NMI: variants seen among roughly 807,000 people sequenced by gnomAD.
NMI encodes N-myc-interactor.
Under a neutral mutation model 34.3 loss-of-function variants are expected in NMI, and 39 were observed. The ratio of observed to expected loss-of-function variants is 1.14; its 90% CI spans 0.88 to 1.49. The LOEUF (loss-of-function observed/expected upper bound fraction) is 1.49. Among genes scored for constraint, NMI ranks in the 40% most tolerant of loss-of-function variants. NMI has a pLI of 0.00. For missense variants in NMI, 339 were observed against 358.1 expected, an observed-to-expected ratio of 0.95 and a Z score of 0.43; for synonymous variants, 113 against 120.3, an observed-to-expected ratio of 0.94 and a Z score of 0.40.
At chr2:151,276,243 G>A (rs537733196) in intron 4 of NMI, among the ~76,000 whole-genome samples, 4 of 152,058 alleles carry the variant, frequency 2.6e-5, no homozygotes, top group South Asian at 4.1e-4. Context: ...TTGTAGAGAC[G>A]AGCTCTCACT....
Position 151,270,854 on chromosome 2 carries a change from T to C in NMI, c.763A>G (p.Arg255Gly). Residue 255 changes from arginine (R) to glycine (G), a missense_variant, in exon 8 of 8, where the codon AGG becomes GGG. By Grantham distance (125) the Arg-to-Gly change is moderately radical. Coordinates refer to ENST00000243346, the MANE Select transcript of NMI (RefSeq NM_004688.3). ...TCCATTCCTGTCAGAAGCACTGTCC[T>C]CTTAGATGTTCCTGAAAATATCTAA... ...KYQIFSGTSK[R>G]TVLLTGMEGI... is the part of the protein sequence containing the mutation. The C allele has an allele frequency of 6.2e-7, 1 of 1,611,734 alleles. No homozygotes were observed. Among genetic ancestry groups the C allele is most frequent in the Non-Finnish European group, 8.5e-7 (1 of 1,179,078 alleles).
At chr2:151,272,898 C>T (rs1683213442) in intron 6 of NMI, among the ~76,000 whole-genome samples, 1 of 151,930 alleles carries the variant, frequency 6.6e-6, no homozygotes, top group Non-Finnish European at 1.5e-5. Context: ...TTCATAGAGA[C>T]AGAAAGTAGA....
At position 151,275,545 on chromosome 2, in the gene NMI, C is replaced by G. The variant is rs146374891; in HGVS notation, c.573G>C (p.Val191=). ...FSKSRNGGGE[V]DRVDYDRQSG... is the part of the protein sequence containing the mutation. The stretch of plus-strand genomic sequence containing the variant: ...ACTGTCTGTCATAGTCCACGCGGTC[C>G]ACCTCTCCGCCTCCATTTCGGGACT... The change falls in exon 6 of 8, where the codon GTG becomes GTC. Residue 191 remains valine, a synonymous_variant. Coordinates refer to ENST00000243346, the MANE Select transcript of NMI (RefSeq NM_004688.3). The G allele has an allele frequency of 2.3e-4, 378 of 1,614,170 alleles. 1 individual carries two copies. The Middle Eastern group carries it at 5.1e-3, about 22-fold the overall frequency.
chr2:151,276,312 CCAGA>C (rs1683292867), intron 4 of NMI, among the ~76,000 whole-genome samples: 2 of 152,180 alleles, frequency 1.3e-5, no homozygotes, highest in East Asian at 1.9e-4. Flanking sequence ...CATCGGACTC[CCAGA>C]CAAAGTTCTG....
intron 6 of NMI, among the ~76,000 whole-genome samples, chr2:151,274,760 G>C (rs1437718569): frequency 6.6e-6 from 1 of 151,952 alleles, no homozygotes; most frequent in African/African-American, 2.4e-5. Context: ...ACAGGCATGA[G>C]CCACCGGGCC....
In NMI at chr2:151,270,718, G is replaced by A. The variant is rs1317957833; in HGVS notation, c.899C>T (p.Pro300Leu). ...CTATTCTTCAAAGTATGCTATGTGA[G>A]GTTGACCTAGAGAACACTTGACCAC... ...VDVVKCSLGQ[P>L]HIAYFEE The change falls in exon 8 of 8, where the codon CCT becomes CTT. Residue 300 changes from proline to leucine, a missense_variant. By Grantham distance (98) the Pro-to-Leu change is moderately conservative (BLOSUM62 -3). Transcript: ENST00000243346. 1.2e-6 allele frequency: 2 copies of A among 1,613,748 alleles called. No individual in the cohort carries two copies. The highest frequency in any genetic ancestry group is 1.7e-6 in the Non-Finnish European group (2 of 1,179,786).
chr2:151,285,167 C>T (rs748684825), intron 1 of NMI, among the ~76,000 whole-genome samples: 1 of 152,182 alleles, frequency 6.6e-6, no homozygotes, highest in Admixed American at 6.5e-5. Flanking sequence ...ACTGAAAGGG[C>T]TCCAGTGGCC....
intron 4 of NMI, 98 bp downstream of exon 4, chr2:151,278,730 A>G: frequency 1.1e-6 from 1 of 942,014 alleles, no homozygotes; most frequent in Middle Eastern, 3.0e-4. Context: ...TGAGGATAAG[A>G]AATAATATAA....
At chr2:151,280,627 C>T (rs1227603986) in intron 3 of NMI, among the ~76,000 whole-genome samples, 3 of 152,184 alleles carry the variant, frequency 2.0e-5, no homozygotes, top group Non-Finnish European at 2.9e-5. Flanking sequence ...TCTCTGATCA[C>T]AGGTTTGGTC....
chr2:151,285,367 ATAG>A (rs1175741632), intron 1 of NMI, among the ~76,000 whole-genome samples: 2 of 134,106 alleles, frequency 1.5e-5, no homozygotes, highest in Non-Finnish European at 3.1e-5. Context: ...AGATAGATAG[ATAG>A]ATAGATAGAT....
chr2:151,271,591 G>C (rs377115197), intron 7 of NMI, 35 bp downstream of exon 7: 1 of 1,091,514 alleles, frequency 9.2e-7, no homozygotes, highest in African/African-American at 1.6e-5. Context: ...TTTGGGCAGT[G>C]AGTTCTGAAA....
intron 4 of NMI, among the ~76,000 whole-genome samples, chr2:151,276,221 T>C: frequency 6.6e-6 from 1 of 152,024 alleles, no homozygotes; most frequent in African/African-American, 2.4e-5. Flanking sequence ...CCTAGCTAAT[T>C]TTTTTAACTT....
In NMI at chr2:151,275,637, C is replaced by T. The variant is rs1194411659; in HGVS notation, c.481G>A (p.Val161Ile). Residue 161 changes from valine to isoleucine, a missense_variant, in exon 6 of 8, where the codon GTT (valine) becomes ATT (isoleucine). Transcript: ENST00000243346. ...CGCAATGTGTCAGGAATTTCAGTAA[C>T]ATTGATTTTCATTTTAGAAACTTCT... ...YVEVSKMKIN[V>I]TEIPDTLRED... The T allele has an allele frequency of 1.2e-6, 2 of 1,613,996 alleles. No homozygotes were observed. The highest frequency in any genetic ancestry group is 1.7e-5 in the Admixed American group (1 of 59,986).
chr2:151,284,631 A>G (rs1047184875), intron 1 of NMI, among the ~76,000 whole-genome samples: 1 of 152,080 alleles, frequency 6.6e-6, no homozygotes, highest in Non-Finnish European at 1.5e-5. Context: ...AGAAAGGCCC[A>G]TAGGATTTGC....
intron 6 of NMI, among the ~76,000 whole-genome samples, chr2:151,273,937 G>C (rs1045456605): frequency 1.3e-5 from 2 of 152,158 alleles, no homozygotes; most frequent in African/African-American, 4.8e-5. Flanking sequence ...CCAAGTTATT[G>C]TTCATTTCCA....
intron 1 of NMI, among the ~76,000 whole-genome samples, chr2:151,283,327 A>G (rs1357424352): frequency 6.6e-6 from 1 of 151,990 alleles, no homozygotes; most frequent in Non-Finnish European, 1.5e-5. Context: ...TTTTTAGTAG[A>G]GATGGGGTTT....
At chr2:151,284,220 G>T (rs561577007) in intron 1 of NMI, among the ~76,000 whole-genome samples, 1 of 151,888 alleles carries the variant, frequency 6.6e-6, no homozygotes, top group Non-Finnish European at 1.5e-5. Flanking sequence ...TTAGCTGGGC[G>T]TGGTGCCAGG....
chr2:151,288,710 C>T (rs948692080), intron 1 of NMI, among the ~76,000 whole-genome samples: 2 of 152,280 alleles, frequency 1.3e-5, no homozygotes, highest in Admixed American at 1.3e-4. Flanking sequence ...CATATAACTG[C>T]GGTGCCAGGC....
At chr2:151,282,776 T>A in intron 2 of NMI, 92 bp downstream of exon 2, 3 of 632,604 alleles carry the variant, frequency 4.7e-6, no homozygotes, top group Non-Finnish European at 7.8e-6. Context: ...AAATTCAAGG[T>A]AATGTTGGAC....
Sources: allele counts gnomAD v4.1 joint callset (sites outside exome capture counted in the v4.1 genomes callset), GRCh38; gene constraint gnomAD v4.1.1; transcripts MANE v1.5; gene names NCBI Gene and HGNC (gene_info 2026-07-23, HGNC 2026-07-21).